The following CA3 variants were observed in gnomAD, a reference collection of about 807,000 sequenced individuals.
The protein encoded by CA3 is CA-III.
A neutral mutation model predicts 35.7 loss-of-function variants in CA3; 30 were observed. That is an observed-to-expected ratio of 0.84 (90% confidence interval 0.63 to 1.14). CA3 has a LOEUF of 1.14. Among genes scored for constraint, CA3 ranks in the 50% most tolerant of loss-of-function variants. CA3 has a pLI of 0.00. For synonymous variants in CA3, 131 were observed against 130.8 expected, an observed-to-expected ratio of 1.00 and a Z score of -0.01; for missense variants, 295 against 328.5, an observed-to-expected ratio of 0.90 and a Z score of 0.79.
intron 5 of CA3, 94 bp downstream of exon 5, chr8:85,445,312 T>C: frequency 1.3e-6 from 1 of 772,544 alleles, no homozygotes; most frequent in Non-Finnish European, 2.1e-6. Flanking sequence ...TAAAATCTGT[T>C]ACTAAGTTTG....
intron 3 of CA3, among the ~76,000 whole-genome samples, chr8:85,443,217 GA>G (rs1811232107): frequency 6.6e-6 from 1 of 152,146 alleles, no homozygotes; most frequent in Non-Finnish European, 1.5e-5. Context: ...AGAAAAACAT[GA>G]ATTTTAACTC....
intron 1 of CA3, 71 bp downstream of exon 1, chr8:85,439,014 A>G (rs1220631942): frequency 6.8e-7 from 1 of 1,479,126 alleles, no homozygotes; most frequent in East Asian, 2.5e-5. Context: ...TTGCACAGAA[A>G]TGGGCAACTT....
At chr8:85,446,666 G>A (rs950807487) in intron 6 of CA3, among the ~76,000 whole-genome samples, 1 of 152,188 alleles carries the variant, frequency 6.6e-6, no homozygotes, top group Non-Finnish European at 1.5e-5. Context: ...AGAGAAAGGT[G>A]CTAATGGAAA....
At chr8:85,445,706 C>T (rs1346509399) in intron 5 of CA3, among the ~76,000 whole-genome samples, 1 of 151,874 alleles carries the variant, frequency 6.6e-6, no homozygotes. Context: ...TTTTTCTGAC[C>T]GTTCTAATCA....
intron 3 of CA3, among the ~76,000 whole-genome samples, chr8:85,443,718 T>C (rs989675343): frequency 3.4e-4 from 51 of 152,224 alleles, no homozygotes; most frequent in African/African-American, 1.2e-3. Flanking sequence ...TGTATCCTCT[T>C]GCCATTCTCT....
At chr8:85,442,044 A>T (rs1194790445) in intron 2 of CA3, 29 bp from the exon 3 acceptor site, 5 of 1,053,288 alleles carry the variant, frequency 4.7e-6, no homozygotes, top group Non-Finnish European at 7.5e-6. Flanking sequence ...GCATGAATTC[A>T]CTGTTGACCA....
chr8:85,446,949 C>G (rs1221013889), intron 6 of CA3, among the ~76,000 whole-genome samples: 1 of 152,106 alleles, frequency 6.6e-6, no homozygotes, highest in African/African-American at 2.4e-5. Context: ...TGGAGAAAAA[C>G]AGATTGAAGC....
intron 2 of CA3, among the ~76,000 whole-genome samples, chr8:85,441,180 A>G (rs1015771169): frequency 1.3e-4 from 20 of 152,144 alleles, no homozygotes; most frequent in African/African-American, 4.8e-4. Context: ...CCTCTTCTAA[A>G]ATAGCTATGC....
rs373432125 is a variant in CA3, at chr8:85,445,134, T to G, written c.445-22T>G. ...CTATGGAGAAGTAAAAGAACTATAC[T>G]TGGATTTCTGTTTTCTTACAGATAG... is the stretch of plus-strand genomic sequence containing the variant. On this transcript the variant is annotated intron_variant, in intron 4 of 6. Coordinates refer to ENST00000285381, the MANE Select transcript of CA3 (RefSeq NM_005181.4). 48 of 1,549,834 alleles carry G rather than the reference T, an allele frequency of 3.1e-5. 1 individual carries two copies. The highest frequency in any genetic ancestry group is 4.0e-5 in the Non-Finnish European group (45 of 1,131,066).
chr8:85,442,454 T>C, intron 3 of CA3: 1 of 341,892 alleles, frequency 2.9e-6, no homozygotes, highest in Non-Finnish European at 5.6e-6. Context: ...GGCTCACACC[T>C]GTAATCTCAA....
chr8:85,442,029 A>G, intron 2 of CA3, 44 bp from the exon 3 acceptor site: 2 of 967,994 alleles, frequency 2.1e-6, no homozygotes, highest in Non-Finnish European at 3.4e-6. Flanking sequence ...AGCTCTGTAA[A>G]AGAAGCATGA....
chr8:85,446,138 C>G lies in CA3; in HGVS notation c.508-4C>G. 6.2e-7 allele frequency: 1 copy of G among 1,602,168 alleles called. No homozygotes were observed. Among genetic ancestry groups the G allele is most frequent in the South Asian group, 1.1e-5 (1 of 89,318 alleles). ...CACTGCACCTGCAACCTGCTCTTACCCAGGGCAAGGAGGCGCCCTTCACAA... is the reference window on the plus strand; with the variant it reads ...CACTGCACCTGCAACCTGCTCTTACGCAGGGCAAGGAGGCGCCCTTCACAA... On this transcript the variant is annotated splice_polypyrimidine_tract_variant and splice_region_variant and intron_variant, in intron 5 of 6. Coordinates refer to ENST00000285381, the MANE Select transcript of CA3 (RefSeq NM_005181.4).
intron 3 of CA3, among the ~76,000 whole-genome samples, chr8:85,443,731 A>G (rs1331313943): frequency 1.3e-5 from 2 of 152,236 alleles, no homozygotes; most frequent in Non-Finnish European, 2.9e-5. Context: ...CATTCTCTGT[A>G]ACTCAGCATA....
At chr8:85,439,568 T>G in intron 1 of CA3, 144 bp from the exon 2 acceptor site, 1 of 606,394 alleles carries the variant, frequency 1.6e-6, no homozygotes, top group South Asian at 2.0e-5. Flanking sequence ...AAATGAATGC[T>G]AAGTCTCTTA....
intron 3 of CA3, 103 bp downstream of exon 3, chr8:85,442,294 C>A: frequency 1.3e-6 from 1 of 756,278 alleles, no homozygotes; most frequent in Non-Finnish European, 2.4e-6. Flanking sequence ...GCTTTTGTTT[C>A]AAGTCTATAG....
Position 85,445,158 on chromosome 8 carries a change from A to G in CA3, c.447A>G (p.Ile149Met), listed in dbSNP as rs760001371. Residue 149 changes from isoleucine to methionine, a missense_variant and splice_region_variant, in exon 5 of 7, where the codon ATA becomes ATG. Ile to Met is a conservative substitution (Grantham distance 10, BLOSUM62 1). Coordinates refer to ENST00000285381, the MANE Select transcript of CA3 (RefSeq NM_005181.4). ...CTTGGATTTCTGTTTTCTTACAGAT[A>G]GGACATGAGAATGGCGAGTTCCAGA... is the stretch of plus-strand genomic sequence containing the variant. ...GIAVIGIFLK[I>M]GHENGEFQIF... is the part of the protein sequence containing the mutation. The G allele has an allele frequency of 1.3e-6, 2 of 1,597,546 alleles. No individual in the cohort carries two copies. Among genetic ancestry groups the G allele is most frequent in the South Asian group, 1.1e-5 (1 of 89,104 alleles).
In CA3 at chr8:85,443,959, G is replaced by T. The variant is rs537632960; in HGVS notation, c.352-75G>T. The T allele has an allele frequency of 3.2e-4, 328 of 1,038,768 alleles. 5 individuals are homozygous for T. The South Asian group carries it at 3.8e-3, about 12-fold the overall frequency. 64.3% of individuals were successfully genotyped at this position (1,038,768 alleles called of 1,614,324 possible). On this transcript the variant is annotated intron_variant, in intron 3 of 6. Coordinates refer to ENST00000285381, the MANE Select transcript of CA3 (RefSeq NM_005181.4). The stretch of plus-strand genomic sequence containing the variant: ...CAACCTTAGCCTGTACAATGATTGG[G>T]TTTATTGTGGATAATGTTGTACTTA...
intron 3 of CA3, 33 bp from the exon 4 acceptor site, chr8:85,444,001 A>G (rs749216695): frequency 2.1e-6 from 3 of 1,395,620 alleles, no homozygotes; most frequent in Non-Finnish European, 3.1e-6. Flanking sequence ...TATTCCAGGA[A>G]TTTACCTTCT....
chr8:85,444,601 G>T (rs1192897341), intron 4 of CA3, among the ~76,000 whole-genome samples: 1 of 152,200 alleles, frequency 6.6e-6, no homozygotes, highest in Non-Finnish European at 1.5e-5. Context: ...ATAGCACATG[G>T]AATGTGTGTG....
Sources: gnomAD v4.1 joint callset for allele counts (sites outside exome capture counted in the v4.1 genomes callset) on GRCh38, gnomAD v4.1.1 for gene constraint, MANE v1.5 for transcripts, NCBI Gene and HGNC (gene_info 2026-07-23, HGNC 2026-07-21) for gene names.